ST18: variants seen among roughly 807,000 people sequenced by gnomAD.
ST18 encodes ST18 C2H2C-type zinc finger transcription factor.
ST18 carries 50 observed loss-of-function variants against 110.0 expected under a neutral mutation model. That is an observed-to-expected ratio of 0.45 (90% CI 0.36 to 0.58). The LOEUF (loss-of-function observed/expected upper bound fraction) is 0.58. ST18 is among the 20% of genes least tolerant of loss of function. The pLI is 0.00. For missense variants in ST18, 1,306 were observed against 1,280.1 expected (o/e 1.02, Z -0.31); for synonymous variants, 461 against 452.4 (o/e 1.02, Z -0.24).
intron 2 of ST18, among the ~76,000 whole-genome samples, chr8:52,304,352 G>A (rs545365242): frequency 1.1e-3 from 170 of 152,124 alleles, no homozygotes; most frequent in Non-Finnish European, 1.3e-3. Flanking sequence ...ATGTGCACCC[G>A]CACACCATCC....
chr8:52,172,854 C>G (rs952780732), intron 9 of ST18, among the ~76,000 whole-genome samples: 1 of 152,040 alleles, frequency 6.6e-6, no homozygotes, highest in Non-Finnish European at 1.5e-5. Flanking sequence ...TTATAATTTC[C>G]AACATGTTAA....
intron 3 of ST18, among the ~76,000 whole-genome samples, chr8:52,226,616 A>G (rs1313475167): frequency 6.6e-6 from 1 of 152,224 alleles, no homozygotes; most frequent in Non-Finnish European, 1.5e-5. Flanking sequence ...TTCGAAAGAA[A>G]TAAAAGTTAT....
chr8:52,150,718 T>C (rs2058604306), intron 15 of ST18: 1 of 152,238 alleles, frequency 6.6e-6, no homozygotes, highest in Admixed American at 6.5e-5. Flanking sequence ...GCTTATTTTC[T>C]CCACACTTAG....
At chr8:52,218,554 A>AT (rs745791743) in intron 5 of ST18, among the ~76,000 whole-genome samples, 3,832 of 100,876 alleles carry the variant, frequency 0.038, 150 homozygotes, top group East Asian at 0.078. Context: ...TGCCTGGCTA[A>AT]TTTTTTTTTT....
intron 13 of ST18, among the ~76,000 whole-genome samples, chr8:52,162,901 CA>C (rs1335145593): frequency 2.0e-5 from 3 of 152,054 alleles, no homozygotes; most frequent in Non-Finnish European, 4.4e-5. Context: ...TTAGATTTTA[CA>C]AAAACTTTTT....
intron 3 of ST18, among the ~76,000 whole-genome samples, chr8:52,227,708 C>A (rs1180925871): frequency 6.6e-6 from 1 of 152,168 alleles, no homozygotes; most frequent in Non-Finnish European, 1.5e-5. Context: ...GTCAGAACTG[C>A]AAGATCTGTC....
chr8:52,189,670 T>C (rs1289470429), intron 8 of ST18, among the ~76,000 whole-genome samples: 1 of 152,112 alleles, frequency 6.6e-6, no homozygotes, highest in African/African-American at 2.4e-5. Flanking sequence ...ACAATTACCC[T>C]GGGGAAAAAA....
At chr8:52,219,414 C>A (rs2085753854) in intron 5 of ST18, among the ~76,000 whole-genome samples, 1 of 152,124 alleles carries the variant, frequency 6.6e-6, no homozygotes, top group Non-Finnish European at 1.5e-5. Flanking sequence ...AAAACCATGT[C>A]TTTTTTACAC....
chr8:52,387,537 T>G (rs1340587564), intron 2 of ST18, among the ~76,000 whole-genome samples: 5 of 152,116 alleles, frequency 3.3e-5, no homozygotes, highest in Non-Finnish European at 7.4e-5. Context: ...GACAGTGCTG[T>G]TTTTTATAGG....
chr8:52,407,640 G>A (rs1422686332), intron 2 of ST18: 1 of 152,134 alleles, frequency 6.6e-6, no homozygotes, highest in Non-Finnish European at 1.5e-5. Flanking sequence ...GACCCATTTC[G>A]AGATTAGCAT....
At chr8:52,392,800 A>G (rs186468735) in intron 2 of ST18, among the ~76,000 whole-genome samples, 1 of 152,308 alleles carries the variant, frequency 6.6e-6, no homozygotes, top group Admixed American at 6.5e-5. Context: ...GCTCATGACC[A>G]ATCTGACTGG....
At chr8:52,392,040 C>G (rs561549183) in intron 2 of ST18, among the ~76,000 whole-genome samples, 1 of 152,288 alleles carries the variant, frequency 6.6e-6, no homozygotes, top group East Asian at 1.9e-4. Context: ...TGTTTAACCT[C>G]GGAAAGCTAC....
Position 52,143,007 on chromosome 8 carries a change from T to C in ST18, c.2091A>G (p.Lys697=), listed in dbSNP as rs778018676. ...PVSSLENLEE[K]KFPGEASIPS... ...GTATAGAGGCCTCTCCAGGAAACTT[T>C]TTTTCCTCTAAATTTTCTAGAGAGC... The change falls in exon 17 of 26, where the codon AAA becomes AAG. Residue 697 remains lysine, a synonymous_variant. Transcript: ENST00000689386. 6.8e-6 allele frequency: 11 copies of C among 1,613,864 alleles called. No homozygotes were observed. The South Asian group carries it at 1.2e-4, about 18-fold the overall frequency.
At chr8:52,355,620 CTT>C (rs1303986020) in intron 2 of ST18, among the ~76,000 whole-genome samples, 3 of 152,158 alleles carry the variant, frequency 2.0e-5, no homozygotes, top group African/African-American at 7.2e-5. Context: ...CGGTCAAAAA[CTT>C]ATGACAATGA....
At chr8:52,219,187 C>T (rs182688647) in intron 5 of ST18, among the ~76,000 whole-genome samples, 1 of 152,182 alleles carries the variant, frequency 6.6e-6, no homozygotes, top group African/African-American at 2.4e-5. Flanking sequence ...AAGATGTTTA[C>T]CTGTCACACA....
At chr8:52,253,312 T>C (rs932310121) in intron 2 of ST18, among the ~76,000 whole-genome samples, 7 of 152,138 alleles carry the variant, frequency 4.6e-5, no homozygotes, top group African/African-American at 1.7e-4. Flanking sequence ...GAAATTTTTC[T>C]GTATAACTAA....
chr8:52,381,164 T>C (rs1834362367), intron 2 of ST18, among the ~76,000 whole-genome samples: 1 of 152,184 alleles, frequency 6.6e-6, no homozygotes, highest in Non-Finnish European at 1.5e-5. Context: ...GGATGTTCTG[T>C]AGGGTGGAAA....
At chr8:52,251,145 T>C (rs1564325591) in intron 2 of ST18, among the ~76,000 whole-genome samples, 1 of 152,076 alleles carries the variant, frequency 6.6e-6, no homozygotes, top group African/African-American at 2.4e-5. Flanking sequence ...AAAACGGAGA[T>C]TGGAGCAACT....
chr8:52,376,501 C>G (rs1832429048), intron 2 of ST18, among the ~76,000 whole-genome samples: 1 of 152,240 alleles, frequency 6.6e-6, no homozygotes, highest in Non-Finnish European at 1.5e-5. Context: ...TTGCTTCTCA[C>G]TCACCCCCAG....
Sources: allele counts gnomAD v4.1 joint callset (sites outside exome capture counted in the v4.1 genomes callset), GRCh38; gene constraint gnomAD v4.1.1; transcripts MANE v1.5; gene names NCBI Gene and HGNC (gene_info 2026-07-23, HGNC 2026-07-21).